The following DMTN variants were observed in gnomAD, a reference collection of about 807,000 sequenced individuals.
DMTN encodes the protein dematin.
DMTN carries 27 observed loss-of-function variants against 59.4 expected under a neutral mutation model. That is an observed-to-expected ratio of 0.45 (90% CI 0.33 to 0.63). The LOEUF is 0.63. Among genes scored for constraint, DMTN ranks in the 20% least tolerant of loss-of-function variants. DMTN has a pLI of 0.02. For synonymous variants in DMTN, 221 were observed against 203.7 expected (o/e 1.08, Z -0.72); for missense variants, 451 against 528.9 (o/e 0.85, Z 1.45).
At chr8:22,064,793 G>C (rs1170987854) in intron 1 of DMTN, among the ~76,000 whole-genome samples, 1 of 152,118 alleles carries the variant, frequency 6.6e-6, no homozygotes, top group Non-Finnish European at 1.5e-5. Context: ...CATGGTTCTA[G>C]AATTCCAAAC....
At chr8:22,070,049 C>T (rs1439577922) in intron 7 of DMTN, 112 bp downstream of exon 7, 2 of 1,554,280 alleles carry the variant, frequency 1.3e-6, no homozygotes, top group African/African-American at 2.7e-5. Context: ...GTCACAGCAG[C>T]ACGTGTGCCC....
At position 22,056,878 on chromosome 8, in the gene DMTN, G is replaced by T. The variant is rs1802892945; in HGVS notation, c.-430G>T. 1 of 151,864 alleles carries T rather than the reference G, an allele frequency of 6.6e-6. No individual in the cohort carries two copies. The allele number at this position is 151,864 out of a possible 1,614,324, so 9.4% of individuals were successfully genotyped here. A position where few individuals can be genotyped will look rare whatever the true frequency, so the allele number is the denominator to read the frequency against. On this transcript the variant is annotated 5_prime_UTR_variant, in exon 1 of 16. Coordinates refer to ENST00000358242, the MANE Select transcript of DMTN (RefSeq NM_001387751.1). ...TGCGTTGCAGAGAAGCAGGGTGGGG[G>T]CAAGGAGGGTGGGGGCCCAGAGGGG...
chr8:22,049,142 G>A (rs1244284441), upstream of DMTN: 1 of 150,462 alleles, frequency 6.6e-6, no homozygotes, highest in Admixed American at 6.6e-5. Context: ...AGGCGCAGGC[G>A]AGGGCCCTGC....
intron 13 of DMTN, 21 bp from the exon 14 acceptor site, chr8:22,080,784 C>G: frequency 2.5e-6 from 4 of 1,607,392 alleles, no homozygotes; most frequent in Non-Finnish European, 3.4e-6. Context: ...CTCTGGCTCA[C>G]TGCGGCTTTG....
upstream of DMTN, chr8:22,053,450 T>C (rs1432800752): frequency 6.6e-6 from 1 of 152,350 alleles, no homozygotes; most frequent in Non-Finnish European, 1.5e-5. Context: ...CCTCCCTGAG[T>C]GTCCAGGTGC....
Position 22,081,429 on chromosome 8 carries a change from G to A in DMTN, c.1184G>A (p.Arg395Gln), listed in dbSNP as rs1824237897. ...TTTGGCAAGCTGGCTCTGTGGAAGC[G>A]GAATGAGCTCAAGAAGAAGGCCTCT... ...EEFGKLALWKRNELKKKASLF is the reference protein window; with the variant it reads ...EEFGKLALWKQNELKKKASLF Residue 395 changes from arginine (R) to glutamine (Q), a missense_variant, in exon 16 of 16, where the codon CGG becomes CAG. Coordinates refer to ENST00000358242, the MANE Select transcript of DMTN (RefSeq NM_001387751.1). The A allele has an allele frequency of 4.3e-6, 7 of 1,614,106 alleles. No individual in the cohort carries two copies. The highest frequency in any genetic ancestry group is 5.9e-6 in the Non-Finnish European group (7 of 1,179,978).
intron 12 of DMTN, 25 bp downstream of exon 12, chr8:22,080,485 G>C (rs774024837): frequency 1.9e-6 from 3 of 1,614,246 alleles, no homozygotes; most frequent in Non-Finnish European, 2.5e-6. Context: ...CTGGTGCCGG[G>C]GTCTGGAGAA....
intron 1 of DMTN, among the ~76,000 whole-genome samples, chr8:22,064,614 A>G (rs1016702071): frequency 1.3e-5 from 2 of 152,224 alleles, no homozygotes; most frequent in East Asian, 1.9e-4. Flanking sequence ...GCCCGCCACC[A>G]CGCCTAGCTA....
intron 1 of DMTN, among the ~76,000 whole-genome samples, chr8:22,065,427 T>C (rs1347752850): frequency 1.3e-5 from 2 of 152,146 alleles, no homozygotes; most frequent in African/African-American, 4.8e-5. Flanking sequence ...CAGAGAAGGG[T>C]TGATCCATGA....
chr8:22,052,114 TGGCACTACCCC>T (rs1185583231), upstream of DMTN, among the ~76,000 whole-genome samples: 1 of 152,214 alleles, frequency 6.6e-6, no homozygotes, highest in African/African-American at 2.4e-5. Context: ...CATAGGCTCT[TGGCACTACCCC>T]GGGATGAGCG....
At chr8:22,057,700 C>T (rs1803470503) in intron 1 of DMTN, among the ~76,000 whole-genome samples, 1 of 152,186 alleles carries the variant, frequency 6.6e-6, no homozygotes, top group Admixed American at 6.5e-5. Flanking sequence ...GCCCAGTACT[C>T]CCCCTGTGCC....
In DMTN at chr8:22,082,201, G is replaced by T. The variant is rs1481231365; in HGVS notation, c.*738G>T. 1.1e-5 allele frequency: 5 copies of T among 456,822 alleles called. No individual in the cohort carries two copies. Among genetic ancestry groups the T allele is most frequent in the Non-Finnish European group, 2.2e-5 (5 of 227,044 alleles). 28.3% of individuals were successfully genotyped at this position (456,822 alleles called of 1,614,324 possible). On this transcript the variant is annotated 3_prime_UTR_variant, in exon 16 of 16. Transcript: ENST00000358242. The stretch of plus-strand genomic sequence containing the variant: ...TGGGCCTTCCGCCTCCCTTGGATGG[G>T]GTCAAGAGGCCAGGCCTGGCACATT...
In DMTN at chr8:22,080,218, G is replaced by A. The variant is rs762523308; in HGVS notation, c.874G>A (p.Ala292Thr). The A allele has an allele frequency of 1.1e-4, 185 of 1,614,076 alleles. No homozygotes were observed. Among genetic ancestry groups the A allele is most frequent in the Non-Finnish European group, 1.4e-4 (165 of 1,180,050 alleles). ...AACGTCTAAATCTTCCTCTCTCCCC[G>A]CCTATGGCAGGACCACCCTGAGCCG... The part of the protein sequence containing the change: ...QGTSKSSSLP[A>T]YGRTTLSRLQ... The change falls in exon 11 of 16, where the codon GCC becomes ACC. Residue 292 changes from alanine (A) to threonine (T), a missense_variant. Transcript: ENST00000358242.
chr8:22,074,738 G>A (rs1052558367), intron 10 of DMTN, among the ~76,000 whole-genome samples: 5 of 152,156 alleles, frequency 3.3e-5, no homozygotes, highest in Non-Finnish European at 7.3e-5. Flanking sequence ...TACACTGTGG[G>A]GCAGTGGGCA....
chr8:22,069,635 G>C, intron 6 of DMTN, 117 bp downstream of exon 6: 1 of 941,334 alleles, frequency 1.1e-6, no homozygotes, highest in South Asian at 1.7e-5. Flanking sequence ...GGGCTAAGTA[G>C]GCCCCAGGAG....
intron 5 of DMTN, 148 bp downstream of exon 5, chr8:22,069,208 C>T: frequency 7.8e-6 from 8 of 1,030,934 alleles, no homozygotes; most frequent in Non-Finnish European, 1.1e-5. Context: ...GCTCTGTGTC[C>T]ATCATTCTGT....
At chr8:22,052,755 G>A (rs987400918), upstream of DMTN, among the ~76,000 whole-genome samples, 4 of 152,030 alleles carry the variant, frequency 2.6e-5, no homozygotes, top group Admixed American at 6.5e-5. Flanking sequence ...AATATGTACC[G>A]AGCTCAGGAG....
At chr8:22,080,527 T>G (rs765109281) in intron 12 of DMTN, 67 bp downstream of exon 12, 2 of 1,613,704 alleles carry the variant, frequency 1.2e-6, no homozygotes, top group Non-Finnish European at 1.7e-6. Flanking sequence ...GCAGCCGGGG[T>G]CTGGGCTGTG....
chr8:22,056,647 C>T (rs1163116708), upstream of DMTN, among the ~76,000 whole-genome samples: 5 of 151,788 alleles, frequency 3.3e-5, no homozygotes, highest in South Asian at 8.3e-4. Context: ...TTTGTCATGA[C>T]GCTGGGTTAA....
Sources: gnomAD v4.1 joint callset for allele counts (sites outside exome capture counted in the v4.1 genomes callset) on GRCh38, gnomAD v4.1.1 for gene constraint, MANE v1.5 for transcripts, NCBI Gene and HGNC (gene_info 2026-07-23, HGNC 2026-07-21) for gene names.